The following TRMT9B variants were observed in gnomAD, a reference collection of about 807,000 sequenced individuals.
TRMT9B encodes probable tRNA methyltransferase 9B.
TRMT9B carries 16 observed loss-of-function variants against 11.5 expected under a neutral mutation model. That is an observed-to-expected ratio of 1.39 (90% CI 0.94 to 2.11). The LOEUF (loss-of-function observed/expected upper bound fraction) is 2.11, where lower values mean the gene tolerates loss of function less well. TRMT9B is among the 30% of genes most tolerant of loss of function. The probability of loss-of-function intolerance (pLI) is 0.00; values close to 1 mark genes in which losing one functional copy is unlikely to be tolerated. For synonymous variants in TRMT9B, 274 were observed against 192.4 expected, an observed-to-expected ratio of 1.42 and a Z score of -3.51; for missense variants, 941 against 553.8, an observed-to-expected ratio of 1.70 and a Z score of -7.02.
chr8:12,951,855 GGAA>G (rs1011531708), intron 1 of TRMT9B: 6 of 151,926 alleles, frequency 3.9e-5, no homozygotes, highest in African/African-American at 1.2e-4. Flanking sequence ...GGCCGCGGCG[GGAA>G]GAAGGGCTAG....
Position 13,028,818 on chromosome 8 carries a change from C to T in TRMT9B, c.*6774C>T, listed in dbSNP as rs147675099. On this transcript the variant is annotated 3_prime_UTR_variant, in exon 5 of 5. Transcript: ENST00000524591. ...CTGGTCTTGAACTCCTGACCTCTTA[C>T]GAGCTAATCATACCACTTCTAACTA... 19 of 166,578 alleles carry T rather than the reference C, an allele frequency of 1.1e-4. No individual in the cohort carries two copies. Among genetic ancestry groups the T allele is most frequent in the East Asian group, 1.9e-4 (1 of 5,152 alleles). 10.3% of individuals were successfully genotyped at this position (166,578 alleles called of 1,614,324 possible).
At chr8:12,988,246 C>T (rs1026907056) in intron 1 of TRMT9B, among the ~76,000 whole-genome samples, 12 of 152,134 alleles carry the variant, frequency 7.9e-5, no homozygotes, top group African/African-American at 1.2e-4. Context: ...CTGGATCAGT[C>T]GCCTATGTGC....
chr8:12,951,768 C>G (rs1007612151), intron 1 of TRMT9B: 3 of 151,934 alleles, frequency 2.0e-5, no homozygotes, highest in Non-Finnish European at 4.4e-5. Flanking sequence ...GTCGCGGGGC[C>G]AGCCCAAAGC....
intron 2 of TRMT9B, among the ~76,000 whole-genome samples, chr8:13,004,724 C>A (rs1488554247): frequency 2.6e-5 from 4 of 151,968 alleles, no homozygotes; most frequent in Admixed American, 6.6e-5. Context: ...GCTCCAGATG[C>A]GACTTAGCAC....
chr8:13,026,788 A>G lies in TRMT9B; in HGVS notation c.*4744A>G, dbSNP rs1361291090. The G allele has an allele frequency of 6.0e-6, 1 of 167,006 alleles. No homozygotes were observed. The highest frequency in any genetic ancestry group is 2.4e-5 in the African/African-American group (1 of 41,426). 10.3% of individuals were successfully genotyped at this position (167,006 alleles called of 1,614,324 possible). On this transcript the variant is annotated 3_prime_UTR_variant, in exon 5 of 5. Coordinates refer to ENST00000524591, the MANE Select transcript of TRMT9B (RefSeq NM_020844.3). ...AGTCTCTGCTCTTAACCACAACACC[A>G]TATACTCCCACCCCTGGGCCCAGCT...
chr8:12,996,799 C>T (rs1416898622), intron 2 of TRMT9B, among the ~76,000 whole-genome samples: 2 of 152,002 alleles, frequency 1.3e-5, no homozygotes. Context: ...GTAACCCGAG[C>T]CCAGATCAAG....
At position 13,003,001 on chromosome 8, in the gene TRMT9B, A is replaced by G. The variant is rs556528938; in HGVS notation, c.-1-3201A>G. 7.2e-5 allele frequency among the ~76,000 whole-genome samples: 11 copies of G among 152,220 alleles called. No homozygotes were observed. In the East Asian group the frequency reaches 2.1e-3, roughly 29 times the overall value. On this transcript the variant is annotated intron_variant, in intron 2 of 4. Coordinates refer to ENST00000524591, the MANE Select transcript of TRMT9B (RefSeq NM_020844.3). ...AGCCAATACTACCCTCTGTACTCAGAGCCAGATTCCATTCTCACTATGTGT... is the reference window on the plus strand; with the variant it reads ...AGCCAATACTACCCTCTGTACTCAGGGCCAGATTCCATTCTCACTATGTGT...
At chr8:12,964,930 G>A (rs1319879096) in intron 1 of TRMT9B, among the ~76,000 whole-genome samples, 1 of 152,018 alleles carries the variant, frequency 6.6e-6, no homozygotes, top group Non-Finnish European at 1.5e-5. Flanking sequence ...GCTTATCTCT[G>A]AAAAAGCAAA....
At chr8:12,954,734 T>A (rs1212198198) in intron 1 of TRMT9B, among the ~76,000 whole-genome samples, 1 of 152,236 alleles carries the variant, frequency 6.6e-6, no homozygotes, top group East Asian at 1.9e-4. Context: ...TCACTTCTTT[T>A]GATGCCATAA....
chr8:12,979,675 G>T (rs558072510), intron 1 of TRMT9B, among the ~76,000 whole-genome samples: 1 of 152,072 alleles, frequency 6.6e-6, no homozygotes, highest in East Asian at 1.9e-4. Context: ...TTCTGCTACC[G>T]TACACCATTG....
chr8:13,006,920 C>T (rs1003709322), intron 3 of TRMT9B: 52 of 158,016 alleles, frequency 3.3e-4, no homozygotes, highest in Non-Finnish European at 6.4e-4. Flanking sequence ...CCATCTGTCT[C>T]GGCTTCCCAA....
rs755755518 is a variant in TRMT9B at position 13,012,750 on chromosome 8, G to C, written c.221G>C (p.Gly74Ala). The C allele has an allele frequency of 3.5e-5, 56 of 1,613,956 alleles. 1 individual carries two copies. The South Asian group carries it at 6.0e-4, about 17-fold the overall frequency. Residue 74 changes from glycine (G) to alanine (A), a missense_variant, in exon 4 of 5, where the codon GGG becomes GCG. Physicochemically the swap from Gly to Ala is moderately conservative, Grantham distance 60. Coordinates refer to ENST00000524591, the MANE Select transcript of TRMT9B (RefSeq NM_020844.3). ...CATACCGTGGGCTGTGACTACTGTG[G>C]GCCACTGGTAGAGATTGCCCGGAAT... ...QVHTVGCDYC[G>A]PLVEIARNRG...
intron 1 of TRMT9B, among the ~76,000 whole-genome samples, chr8:12,954,209 C>T (rs1801006104): frequency 6.6e-6 from 1 of 152,210 alleles, no homozygotes; most frequent in African/African-American, 2.4e-5. Flanking sequence ...ACAGCGAAAT[C>T]TTACTGGAGA....
chr8:13,005,387 G>A (rs1810274885), intron 2 of TRMT9B, among the ~76,000 whole-genome samples: 1 of 152,066 alleles, frequency 6.6e-6, no homozygotes, highest in Non-Finnish European at 1.5e-5. Context: ...GGTGACTATA[G>A]TAAAAAAAAA....
intron 1 of TRMT9B, among the ~76,000 whole-genome samples, chr8:12,979,927 G>A (rs1439763163): frequency 6.6e-6 from 1 of 152,146 alleles, no homozygotes; most frequent in Non-Finnish European, 1.5e-5. Flanking sequence ...CGTCTGAGAA[G>A]GACAAGGGCC....
At chr8:12,986,456 A>G (rs551844789) in intron 1 of TRMT9B, among the ~76,000 whole-genome samples, 1 of 152,242 alleles carries the variant, frequency 6.6e-6, no homozygotes, top group African/African-American at 2.4e-5. Context: ...ACATATGTTC[A>G]CACAGCTCAT....
chr8:13,011,341 T>C (rs1563424296), intron 3 of TRMT9B: 1 of 985,274 alleles, frequency 1.0e-6, no homozygotes, highest in African/African-American at 1.7e-5. Flanking sequence ...CATTAATGAA[T>C]CTTAAGTTTG....
At chr8:12,963,722 C>G (rs1368377310) in intron 1 of TRMT9B, among the ~76,000 whole-genome samples, 1 of 152,236 alleles carries the variant, frequency 6.6e-6, no homozygotes, top group Non-Finnish European at 1.5e-5. Context: ...GCACTCCAGC[C>G]TGCGCAGCAG....
At chr8:12,998,558 A>C (rs868645259) in intron 2 of TRMT9B, among the ~76,000 whole-genome samples, 1 of 152,254 alleles carries the variant, frequency 6.6e-6, no homozygotes, top group African/African-American at 2.4e-5. Flanking sequence ...AAGTGCTTAC[A>C]GCCTATTACC....
Sources: allele counts gnomAD v4.1 joint callset (sites outside exome capture counted in the v4.1 genomes callset), GRCh38; gene constraint gnomAD v4.1.1; transcripts MANE v1.5; gene names NCBI Gene and HGNC (gene_info 2026-07-23, HGNC 2026-07-21).